Variants in ADCY5 observed in about 807,000 individuals in gnomAD.
The protein encoded by ADCY5 is adenylate cyclase 5.
A neutral mutation model predicts 119.7 loss-of-function variants in ADCY5; 30 were observed. That is an observed-to-expected ratio of 0.25 (90% CI 0.19 to 0.34). The LOEUF is 0.34. Ranked by LOEUF, ADCY5 falls within the 10% of genes least tolerant of loss-of-function variation. The probability of loss-of-function intolerance (pLI) is 1.00; values close to 1 mark genes in which losing one functional copy is unlikely to be tolerated. For synonymous variants in ADCY5, 753 were observed against 762.2 expected (o/e 0.99, Z 0.20); for missense variants, 1,324 against 1,775.2 (o/e 0.75, Z 4.57).
chr3:123,408,258 T>C (rs1237736383), intron 1 of ADCY5, among the ~76,000 whole-genome samples: 5 of 152,014 alleles, frequency 3.3e-5, no homozygotes, highest in Admixed American at 2.0e-4. Context: ...GTTATGAGAA[T>C]CGAGTGAGAT....
At chr3:123,413,765 T>C (rs1303970441) in intron 1 of ADCY5, among the ~76,000 whole-genome samples, 4 of 152,152 alleles carry the variant, frequency 2.6e-5, no homozygotes, top group Non-Finnish European at 2.9e-5. Flanking sequence ...CTTTGCTTTG[T>C]TCTACAAGCC....
intron 20 of ADCY5, among the ~76,000 whole-genome samples, chr3:123,285,361 C>T (rs1262726029): frequency 6.6e-6 from 1 of 152,218 alleles, no homozygotes; most frequent in Non-Finnish European, 1.5e-5. Context: ...TCTGCTTTAG[C>T]TTTCGGAACA....
At chr3:123,379,759 T>C (rs547062878) in intron 1 of ADCY5, among the ~76,000 whole-genome samples, 7 of 152,180 alleles carry the variant, frequency 4.6e-5, no homozygotes, top group Middle Eastern at 3.4e-3. Flanking sequence ...AACTGGAGCC[T>C]CCAAGTCTCA....
chr3:123,385,752 A>G (rs143544744), intron 1 of ADCY5, among the ~76,000 whole-genome samples: 136 of 152,364 alleles, frequency 8.9e-4, no homozygotes, highest in African/African-American at 3.0e-3. Context: ...ATGGAGAATA[A>G]TATCTGTAAT....
chr3:123,425,088 C>A (rs1353483010), intron 1 of ADCY5, among the ~76,000 whole-genome samples: 1 of 150,680 alleles, frequency 6.6e-6, no homozygotes, highest in Non-Finnish European at 1.5e-5. Context: ...GTTAGGGTAA[C>A]TGAGCACTGC....
At chr3:123,311,232 G>A (rs913041771) in intron 12 of ADCY5, among the ~76,000 whole-genome samples, 1 of 152,226 alleles carries the variant, frequency 6.6e-6, no homozygotes, top group African/African-American at 2.4e-5. Context: ...CTGCGTTCTG[G>A]TAAAACCGCA....
chr3:123,393,063 G>T (rs1029069565), intron 1 of ADCY5, among the ~76,000 whole-genome samples: 7 of 152,180 alleles, frequency 4.6e-5, no homozygotes, highest in African/African-American at 1.7e-4. Context: ...CAAGGCAACA[G>T]GTGAGGCAGG....
At chr3:123,409,895 C>T (rs984728385) in intron 1 of ADCY5, among the ~76,000 whole-genome samples, 6 of 152,212 alleles carry the variant, frequency 3.9e-5, no homozygotes, top group Non-Finnish European at 7.3e-5. Context: ...TAATCTATCA[C>T]CTGGATATAA....
intron 1 of ADCY5, among the ~76,000 whole-genome samples, chr3:123,380,528 C>G (rs1943997606): frequency 6.6e-6 from 1 of 152,224 alleles, no homozygotes; most frequent in Non-Finnish European, 1.5e-5. Flanking sequence ...CAGGGCCACC[C>G]TCCTAAAATC....
At chr3:123,396,346 A>G (rs917231409) in intron 1 of ADCY5, among the ~76,000 whole-genome samples, 1 of 143,504 alleles carries the variant, frequency 7.0e-6, no homozygotes, top group Middle Eastern at 3.5e-3. Context: ...AAGAGAAGAA[A>G]AAGAGAGAGA....
At chr3:123,335,386 T>A (rs950034066) in intron 3 of ADCY5, among the ~76,000 whole-genome samples, 1 of 152,214 alleles carries the variant, frequency 6.6e-6, no homozygotes, top group Non-Finnish European at 1.5e-5. Flanking sequence ...ACGTACATTT[T>A]AAAACAGTCA....
At chr3:123,321,628 A>C (rs1941223421) in intron 8 of ADCY5, among the ~76,000 whole-genome samples, 1 of 152,148 alleles carries the variant, frequency 6.6e-6, no homozygotes, top group Non-Finnish European at 1.5e-5. Flanking sequence ...AGGACAGAGG[A>C]TGCCCCTTCC....
At chr3:123,348,722 G>A (rs958090981) in intron 2 of ADCY5, among the ~76,000 whole-genome samples, 2 of 152,156 alleles carry the variant, frequency 1.3e-5, no homozygotes, top group African/African-American at 4.8e-5. Flanking sequence ...ACGGAGTCTG[G>A]ACTATGCTCT....
intron 1 of ADCY5, among the ~76,000 whole-genome samples, chr3:123,377,096 C>A (rs9861812): frequency 0.02 from 3,069 of 152,284 alleles, 113 homozygotes; most frequent in African/African-American, 0.071. Context: ...AAGCGCACAG[C>A]AGACAAGAGC....
At chr3:123,340,662 G>T (rs537694419) in intron 3 of ADCY5, among the ~76,000 whole-genome samples, 1 of 152,122 alleles carries the variant, frequency 6.6e-6, no homozygotes, top group Non-Finnish European at 1.5e-5. Flanking sequence ...TCTTTTGTTG[G>T]AACACAATCC....
intron 1 of ADCY5, among the ~76,000 whole-genome samples, chr3:123,381,752 C>T (rs1344967511): frequency 6.6e-6 from 1 of 152,230 alleles, no homozygotes; most frequent in Admixed American, 6.5e-5. Context: ...CCACTGCCAG[C>T]ACTAGATCCA....
Position 123,319,822 on chromosome 3 carries a change from G to A in ADCY5, c.2112-4C>T, listed in dbSNP as rs1941120792. ...GTTCGCACTCTCCTGGGCGTTCCTG[G>A]GGAGCAGAAGGCACGGGCGTGAGAC... On this transcript the variant is annotated splice_region_variant and splice_polypyrimidine_tract_variant and intron_variant, in intron 9 of 20. Transcript: ENST00000462833. 2 of 1,612,526 alleles carry A rather than the reference G, an allele frequency of 1.2e-6. No individual in the cohort carries two copies. Among genetic ancestry groups the A allele is most frequent in the Non-Finnish European group, 1.7e-6 (2 of 1,178,712 alleles).
intron 15 of ADCY5, 77 bp from the exon 16 acceptor site, chr3:123,297,459 C>A: frequency 4.0e-6 from 6 of 1,486,372 alleles, no homozygotes; most frequent in South Asian, 1.1e-5. Context: ...TCAGCCCCCA[C>A]GCCCTGCTCT....
chr3:123,336,463 T>C (rs1002849581), intron 3 of ADCY5, among the ~76,000 whole-genome samples: 2 of 152,310 alleles, frequency 1.3e-5, no homozygotes, highest in East Asian at 3.9e-4. Flanking sequence ...GCACGACCAG[T>C]GGCTGGTCCA....
Sources: gnomAD v4.1 joint callset for allele counts (sites outside exome capture counted in the v4.1 genomes callset) on GRCh38, gnomAD v4.1.1 for gene constraint, MANE v1.5 for transcripts, NCBI Gene and HGNC (gene_info 2026-07-23, HGNC 2026-07-21) for gene names.